PGM5: variants seen among roughly 807,000 people sequenced by gnomAD.
PGM5 encodes phosphoglucomutase-like protein 5.
In PGM5, 23 loss-of-function variants were observed where a neutral mutation model predicts 59.2. The ratio of observed to expected loss-of-function variants is 0.39; its 90% confidence interval spans 0.28 to 0.55. PGM5 has a LOEUF of 0.55. Among genes scored for constraint, PGM5 ranks in the 20% least tolerant of loss-of-function variants. The pLI is 0.66. For synonymous variants in PGM5, 214 were observed against 286.0 expected (o/e 0.75, Z 2.54); for missense variants, 574 against 748.3 (o/e 0.77, Z 2.72).
chr9:68,477,478 C>T (rs1024763208), intron 7 of PGM5, among the ~76,000 whole-genome samples: 26 of 152,168 alleles, frequency 1.7e-4, no homozygotes, highest in African/African-American at 5.6e-4. Flanking sequence ...CGTTGCGTCT[C>T]CCTTGTTGGT....
At chr9:68,513,529 C>G (rs1029145002) in intron 10 of PGM5, among the ~76,000 whole-genome samples, 20 of 152,182 alleles carry the variant, frequency 1.3e-4, no homozygotes, top group African/African-American at 4.8e-4. Context: ...GAAGCAAACA[C>G]GTGACATTCA....
At chr9:68,465,703 AC>A (rs1554685750) in intron 7 of PGM5, among the ~76,000 whole-genome samples, 3 of 152,194 alleles carry the variant, frequency 2.0e-5, no homozygotes, top group Middle Eastern at 6.8e-3. Flanking sequence ...AATGTTAAAA[AC>A]GTTTTCTTTT....
At chr9:68,376,817 CTTTCTTTCTTTCTTTCTCTT>C (rs1821913390) in intron 1 of PGM5, among the ~76,000 whole-genome samples, 2 of 71,986 alleles carry the variant, frequency 2.8e-5, no homozygotes, top group South Asian at 3.8e-4. Flanking sequence ...TTCTTTCTTT[CTTTCTTTCTTTCTTTCTCTT>C]TCTTTCTTTC....
At chr9:68,415,776 G>T (rs1823013632) in intron 6 of PGM5, among the ~76,000 whole-genome samples, 1 of 10,228 alleles carries the variant, frequency 9.8e-5, no homozygotes, top group Non-Finnish European at 3.1e-4. Flanking sequence ...GTTAAGGCAG[G>T]GAATATCTAT....
At chr9:68,425,752 G>A (rs569752041) in intron 6 of PGM5, among the ~76,000 whole-genome samples, 41 of 152,100 alleles carry the variant, frequency 2.7e-4, no homozygotes, top group Non-Finnish European at 4.9e-4. Context: ...TGGCCAAACA[G>A]TATGATAATT....
At chr9:68,529,380 C>G (rs532477274) in intron 10 of PGM5, among the ~76,000 whole-genome samples, 187 bp from the exon 11 acceptor site, 11 of 152,180 alleles carry the variant, frequency 7.2e-5, no homozygotes, top group African/African-American at 2.4e-4. Context: ...ACCTTCTCCC[C>G]CTACTCTCCT....
At chr9:68,469,340 A>G (rs1456565775) in intron 7 of PGM5, among the ~76,000 whole-genome samples, 2 of 151,466 alleles carry the variant, frequency 1.3e-5, no homozygotes, top group Admixed American at 6.6e-5. Context: ...TGAGTCTTTC[A>G]CAGAAATAAT....
At chr9:68,505,189 C>T (rs1824635086) in intron 10 of PGM5, among the ~76,000 whole-genome samples, 3 of 152,168 alleles carry the variant, frequency 2.0e-5, no homozygotes, top group South Asian at 2.1e-4. Flanking sequence ...TTTCTTATAA[C>T]AAAATCCACA....
At position 68,529,650 on chromosome 9, in the gene PGM5, C is replaced by A. The variant is rs1484186494; in HGVS notation, c.1698C>A (p.Ile566=). 2.5e-6 allele frequency: 4 copies of A among 1,589,124 alleles called. No individual in the cohort carries two copies. In the East Asian group the frequency reaches 9.0e-5, roughly 36 times the overall value. Reference sequence around the variant, plus strand: ...CTGGCCGGAGGGGACCCACTGTCATCACCTGAATAGAGGAAAGATCACTCA... The same window carrying A: ...CTGGCCGGAGGGGACCCACTGTCATAACCTGAATAGAGGAAAGATCACTCA... ...ERTGRRGPTV[I]T Residue 566 remains isoleucine, a synonymous_variant, in exon 11 of 11, where the codon ATC becomes ATA. Transcript: ENST00000396396.
At chr9:68,406,886 C>T (rs1264318459) in intron 6 of PGM5, among the ~76,000 whole-genome samples, 1 of 150,736 alleles carries the variant, frequency 6.6e-6, no homozygotes, top group East Asian at 2.0e-4. Flanking sequence ...AAATGTTGGC[C>T]AGTGGCTGTG....
At chr9:68,432,971 C>A (rs1308970214) in intron 6 of PGM5, among the ~76,000 whole-genome samples, 1 of 152,106 alleles carries the variant, frequency 6.6e-6, no homozygotes. Context: ...ATCTTGTACA[C>A]AATAATTCCC....
chr9:68,411,202 G>A (rs1239632868), intron 6 of PGM5, among the ~76,000 whole-genome samples: 1 of 152,008 alleles, frequency 6.6e-6, no homozygotes, highest in East Asian at 1.9e-4. Flanking sequence ...GAATGATTTT[G>A]GGTAGGCAAC....
intron 7 of PGM5, among the ~76,000 whole-genome samples, chr9:68,474,719 G>A (rs1346747442): frequency 6.6e-6 from 1 of 151,572 alleles, no homozygotes. Flanking sequence ...GGCTAGGTTG[G>A]ATGAGAAAGG....
At chr9:68,416,548 A>G (rs1412898445) in intron 6 of PGM5, among the ~76,000 whole-genome samples, 7 of 152,160 alleles carry the variant, frequency 4.6e-5, no homozygotes, top group Non-Finnish European at 4.4e-5. Context: ...TTCTTTCAGG[A>G]TTCAAGTTTA....
At chr9:68,435,584 G>T (rs1823430927) in intron 6 of PGM5, among the ~76,000 whole-genome samples, 1 of 152,126 alleles carries the variant, frequency 6.6e-6, no homozygotes, top group Admixed American at 6.5e-5. Context: ...CAGTGTTGTA[G>T]CATGTATCAG....
rs1457998513 is a variant in PGM5 at position 68,530,956 on chromosome 9, A to G, written c.*1300A>G. 1.3e-5 allele frequency: 2 copies of G among 152,262 alleles called. No homozygotes were observed. The highest frequency in any genetic ancestry group is 2.9e-5 in the Non-Finnish European group (2 of 68,044). The allele number at this position is 152,262 out of a possible 1,614,324, so 9.4% of individuals were successfully genotyped here. A position where few individuals can be genotyped will look rare whatever the true frequency, so the allele number is the denominator to read the frequency against. ...AGTCAAGGTTAGTGCAAGCAAGGAA[A>G]CATTCCCAGTAAGGTATTTGTTTCC... On this transcript the variant is annotated 3_prime_UTR_variant, in exon 11 of 11. Coordinates refer to ENST00000396396, the MANE Select transcript of PGM5 (RefSeq NM_021965.4).
chr9:68,484,857 C>A (rs538960552), intron 9 of PGM5, among the ~76,000 whole-genome samples: 1 of 152,262 alleles, frequency 6.6e-6, no homozygotes, highest in Non-Finnish European at 1.5e-5. Context: ...CATCTTTGAG[C>A]CCCCGTGCCC....
chr9:68,525,320 T>C (rs1046272580), intron 10 of PGM5, among the ~76,000 whole-genome samples: 3 of 152,200 alleles, frequency 2.0e-5, no homozygotes, highest in Non-Finnish European at 4.4e-5. Context: ...AAGCAGTAGA[T>C]ACTTTCCTTA....
chr9:68,376,779 T>C (rs548267979), intron 1 of PGM5, among the ~76,000 whole-genome samples: 5 of 89,356 alleles, frequency 5.6e-5, no homozygotes, highest in Admixed American at 1.2e-4. Context: ...CTTTCTTTCT[T>C]TCTTTCTTTC....
Sources: gnomAD v4.1 joint callset for allele counts (sites outside exome capture counted in the v4.1 genomes callset) on GRCh38, gnomAD v4.1.1 for gene constraint, MANE v1.5 for transcripts, NCBI Gene and HGNC (gene_info 2026-07-23, HGNC 2026-07-21) for gene names.